Variants in CPAP observed in about 807,000 individuals in gnomAD.
CPAP encodes the protein centrosome assembly and centriole elongation protein.
chr13:24,905,956 A>C, the CPAP span: 1 of 1,614,190 alleles, frequency 6.2e-7, no homozygotes, highest in Non-Finnish European at 8.5e-7. Flanking sequence ...GAACACCTTC[A>C]TCGTCACGTG....
chr13:24,886,079 C>T, the CPAP span: 1 of 369,200 alleles, frequency 2.7e-6, no homozygotes, highest in South Asian at 2.1e-5. Flanking sequence ...GTAATATGTC[C>T]AGCACACCAA....
chr13:24,883,929 G>A, the CPAP span: 1 of 1,613,592 alleles, frequency 6.2e-7, no homozygotes, highest in Non-Finnish European at 8.5e-7. Context: ...GTGTCACACT[G>A]AGTGGTTTTT....
chr13:24,912,708 T>C, the CPAP span: 1 of 1,614,044 alleles, frequency 6.2e-7, no homozygotes, highest in Non-Finnish European at 8.5e-7. Context: ...CCGCTACCTG[T>C]GGTCCCTTTT....
At chr13:24,889,571 GCGCGTGTGCACACACACGCA>G in the CPAP span, among the ~76,000 whole-genome samples, 33,434 of 151,822 alleles carry the variant, frequency 0.22, 4,168 homozygotes, top group Non-Finnish European at 0.29. Flanking sequence ...AGGAATCACT[GCGCGTGTGCACACACACGCA>G]CGCGCGCCCC....
At chr13:24,889,531 C>T in the CPAP span, 3 of 689,408 alleles carry the variant, frequency 4.4e-6, no homozygotes, top group Non-Finnish European at 7.5e-6. Flanking sequence ...TTCATTTATA[C>T]AACAGGCCAA....
chr13:24,883,241 T>A, the CPAP span: 1 of 1,614,126 alleles, frequency 6.2e-7, no homozygotes, highest in East Asian at 2.2e-5. Flanking sequence ...ACCGGATCTG[T>A]ACTTCGTTTC....
At chr13:24,898,057 C>A in the CPAP span, among the ~76,000 whole-genome samples, 223 of 152,256 alleles carry the variant, frequency 1.5e-3, no homozygotes, top group Non-Finnish European at 2.5e-3. Context: ...CGACACCCGG[C>A]TAATTTTTTT....
chr13:24,912,015 G>T, the CPAP span: 1 of 1,613,908 alleles, frequency 6.2e-7, no homozygotes, highest in Non-Finnish European at 8.5e-7. Flanking sequence ...CTCTGTAGTT[G>T]CTCCAACTGT....
At chr13:24,909,976 T>G in the CPAP span, 2 of 1,614,182 alleles carry the variant, frequency 1.2e-6, no homozygotes, top group Non-Finnish European at 1.7e-6. Flanking sequence ...TCTTCCTGGG[T>G]TGGGTCCGGG....
the CPAP span, among the ~76,000 whole-genome samples, chr13:24,911,121 C>T: frequency 9.3e-4 from 142 of 152,236 alleles, no homozygotes; most frequent in African/African-American, 3.1e-3. Flanking sequence ...ATTTTATTAT[C>T]GGATGTAGCA....
At chr13:24,905,185 A>G in the CPAP span, among the ~76,000 whole-genome samples, 1 of 152,242 alleles carries the variant, frequency 6.6e-6, no homozygotes, top group Non-Finnish European at 1.5e-5. Context: ...AAAGCCTCAT[A>G]TAGACCCATA....
the CPAP span, among the ~76,000 whole-genome samples, chr13:24,887,467 C>CAT: frequency 2.0e-5 from 3 of 152,176 alleles, no homozygotes; most frequent in African/African-American, 7.2e-5. Context: ...ATTAGATTCT[C>CAT]ATAGGAGCAA....
chr13:24,919,968 C>A, the CPAP span, among the ~76,000 whole-genome samples: 1 of 151,850 alleles, frequency 6.6e-6, no homozygotes, highest in Non-Finnish European at 1.5e-5. Flanking sequence ...AACAGGGTGT[C>A]CCTATGTTGC....
the CPAP span, chr13:24,892,911 AC>A: frequency 7.5e-7 from 1 of 1,331,482 alleles, no homozygotes; most frequent in Non-Finnish European, 1.1e-6. Flanking sequence ...TTACTACATT[AC>A]CAGAATTAAA....
chr13:24,883,316 G>A, the CPAP span: 1 of 1,613,696 alleles, frequency 6.2e-7, no homozygotes, highest in Non-Finnish European at 8.5e-7. Flanking sequence ...CTTGAACTGG[G>A]CAGTATGTAG....
the CPAP span, among the ~76,000 whole-genome samples, chr13:24,930,552 G>C: frequency 1.3e-5 from 2 of 152,098 alleles, no homozygotes; most frequent in South Asian, 2.1e-4. Flanking sequence ...TTACAAATTT[G>C]AACATGCAGT....
chr13:24,888,243 A>T, the CPAP span, among the ~76,000 whole-genome samples: 1 of 152,040 alleles, frequency 6.6e-6, no homozygotes, highest in Non-Finnish European at 1.5e-5. Context: ...TCAACATTAC[A>T]AGGAAAAACA....
the CPAP span, chr13:24,912,773 G>C: frequency 1.2e-6 from 2 of 1,613,986 alleles, no homozygotes; most frequent in Non-Finnish European, 1.7e-6. Flanking sequence ...GGTTTGTAAG[G>C]GTTGTTTGAC....
the CPAP span, among the ~76,000 whole-genome samples, chr13:24,915,051 G>C: frequency 6.6e-6 from 1 of 151,478 alleles, no homozygotes; most frequent in Non-Finnish European, 1.5e-5. Context: ...CTCCAGCCTA[G>C]GCAACTGAGT....
Sources: gnomAD v4.1 joint callset for allele counts (sites outside exome capture counted in the v4.1 genomes callset) on GRCh38, gnomAD v4.1.1 for gene constraint, MANE v1.5 for transcripts, NCBI Gene and HGNC (gene_info 2026-07-23, HGNC 2026-07-21) for gene names.